SAMD3: variants seen among roughly 807,000 people sequenced by gnomAD.
SAMD3 encodes sterile alpha motif domain-containing protein 3.
Under a neutral mutation model 58.5 loss-of-function variants are expected in SAMD3, and 63 were observed. That is an observed-to-expected ratio of 1.08 (90% CI 0.88 to 1.33). The LOEUF (loss-of-function observed/expected upper bound fraction) is 1.33. Among genes scored for constraint, SAMD3 ranks in the 40% most tolerant of loss-of-function variants. The pLI, the probability that SAMD3 is intolerant of heterozygous loss-of-function variation, is 0.00. For missense variants in SAMD3, 604 were observed against 608.4 expected, an observed-to-expected ratio of 0.99 and a Z score of 0.08; for synonymous variants, 220 against 210.3, an observed-to-expected ratio of 1.05 and a Z score of -0.40.
chr6:130,228,515 C>A (rs1047427870), intron 2 of SAMD3, among the ~76,000 whole-genome samples: 3 of 152,068 alleles, frequency 2.0e-5, no homozygotes, highest in African/African-American at 4.8e-5. Flanking sequence ...AAGCTGATAT[C>A]CAGCTTCCAT....
At chr6:130,162,137 C>A in intron 8 of SAMD3, 1 of 632,970 alleles carries the variant, frequency 1.6e-6, no homozygotes, top group Non-Finnish European at 2.8e-6. Context: ...AGAGCGTATG[C>A]TATGCTTCCT....
At chr6:130,352,676 A>C (rs1203404272) in intron 1 of SAMD3, among the ~76,000 whole-genome samples, 3 of 152,178 alleles carry the variant, frequency 2.0e-5, no homozygotes, top group Non-Finnish European at 4.4e-5. Context: ...TGTGGTCTTC[A>C]TGCTCACTGA....
chr6:130,239,549 G>C (rs561048470), intron 2 of SAMD3, among the ~76,000 whole-genome samples: 1 of 152,212 alleles, frequency 6.6e-6, no homozygotes, highest in South Asian at 2.1e-4. Context: ...AGCAAGAAGA[G>C]ATCTAAGAAG....
intron 4 of SAMD3, among the ~76,000 whole-genome samples, chr6:130,213,540 T>C (rs933445755): frequency 2.6e-5 from 4 of 152,084 alleles, no homozygotes; most frequent in African/African-American, 9.7e-5. Context: ...ATTTTATCAA[T>C]CATCAAAATC....
chr6:130,336,040 G>A (rs912358229), intron 1 of SAMD3, among the ~76,000 whole-genome samples: 1 of 152,144 alleles, frequency 6.6e-6, no homozygotes, highest in East Asian at 1.9e-4. Context: ...GGGAGGGATA[G>A]CATTAGGAGA....
rs536651506 is a variant in SAMD3, at chr6:130,179,907, T to G, written c.655-3899A>C. Among the ~76,000 whole-genome samples the G allele has an allele frequency of 2.9e-3, 424 of 146,426 alleles. 4 individuals carry two copies. Among genetic ancestry groups the G allele is most frequent in the African/African-American group, 8.5e-3 (338 of 39,874 alleles). ...TTGGCTCACTGCAACCTCTGCCTCC[T>G]GGGTTCAAGCGATTCTCCTGCCTCA... On this transcript the variant is annotated intron_variant, in intron 7 of 11. Coordinates refer to ENST00000439090, the MANE Select transcript of SAMD3 (RefSeq NM_001017373.4).
chr6:130,163,551 TA>T (rs1233445206), intron 8 of SAMD3, among the ~76,000 whole-genome samples: 2 of 152,220 alleles, frequency 1.3e-5, no homozygotes, highest in Non-Finnish European at 2.9e-5. Flanking sequence ...AGCTTACTTG[TA>T]AAACTTCGCA....
intron 2 of SAMD3, among the ~76,000 whole-genome samples, chr6:130,235,466 C>T (rs746722736): frequency 1.2e-4 from 19 of 152,148 alleles, no homozygotes; most frequent in Non-Finnish European, 2.6e-4. Context: ...AATTTCTTTT[C>T]ATGGATTGGA....
At chr6:130,319,198 AG>A (rs960278961) in intron 1 of SAMD3, among the ~76,000 whole-genome samples, 4 of 152,154 alleles carry the variant, frequency 2.6e-5, no homozygotes, top group African/African-American at 9.7e-5. Flanking sequence ...CCCCCACAGG[AG>A]AAGAGAGAGA....
chr6:130,223,628 G>A (rs1796299490), upstream of SAMD3, among the ~76,000 whole-genome samples: 1 of 152,180 alleles, frequency 6.6e-6, no homozygotes, highest in African/African-American at 2.4e-5. Flanking sequence ...GCAAGGTAGT[G>A]GATCTTCTTA....
At chr6:130,188,948 C>T (rs1793260669) in intron 5 of SAMD3, among the ~76,000 whole-genome samples, 1 of 152,070 alleles carries the variant, frequency 6.6e-6, no homozygotes, top group African/African-American at 2.4e-5. Context: ...CTCATCCAGC[C>T]CCATGGCCTC....
chr6:130,343,292 C>T (rs1255142254), intron 1 of SAMD3, among the ~76,000 whole-genome samples: 1 of 152,004 alleles, frequency 6.6e-6, no homozygotes, highest in Non-Finnish European at 1.5e-5. Context: ...TATCAAAAGT[C>T]ATGACCAAGA....
intron 2 of SAMD3, among the ~76,000 whole-genome samples, chr6:130,241,471 G>A (rs1773356945): frequency 6.6e-6 from 1 of 151,926 alleles, no homozygotes; most frequent in African/African-American, 2.4e-5. Flanking sequence ...GCCTTGGTCT[G>A]CCAAAGTGCT....
intron 1 of SAMD3, among the ~76,000 whole-genome samples, chr6:130,362,075 A>G (rs555301343): frequency 6.8e-4 from 103 of 152,326 alleles, no homozygotes; most frequent in African/African-American, 2.3e-3. Flanking sequence ...ACCAACTGAA[A>G]TGTAGCTAAA....
At chr6:130,149,810 C>T (rs1437570359) in intron 9 of SAMD3, among the ~76,000 whole-genome samples, 1 of 152,168 alleles carries the variant, frequency 6.6e-6, no homozygotes, top group Admixed American at 6.5e-5. Flanking sequence ...CAAACCCCCA[C>T]GACATGCAAT....
Position 130,276,973 on chromosome 6 carries a change from T to C in SAMD3, c.-188+36005A>G, listed in dbSNP as rs553781284. 4.6e-5 allele frequency among the ~76,000 whole-genome samples: 7 copies of C among 152,226 alleles called. No individual in the cohort carries two copies. The South Asian group carries it at 6.2e-4, about 14-fold the overall frequency. ...GAAGCACAGGTCCAAGTAGAGCCAGTTGGTCACCAGAATGCAAAAGTCAGA... is the reference window on the plus strand; with the variant it reads ...GAAGCACAGGTCCAAGTAGAGCCAGCTGGTCACCAGAATGCAAAAGTCAGA... On this transcript the variant is annotated intron_variant, in intron 2 of 13. Coordinates refer to the SAMD3 transcript ENST00000368134.
In SAMD3 at chr6:130,184,580, A is replaced by G. The variant is rs536643637; in HGVS notation, c.427T>C (p.Trp143Arg). The G allele has an allele frequency of 1.2e-6, 2 of 1,613,536 alleles. No individual in the cohort carries two copies. Among genetic ancestry groups the G allele is most frequent in the South Asian group, 2.2e-5 (2 of 90,842 alleles). ...TCTGGTAAAACATAGGACTTCGTCC[A>G]CTGTAATGCTTTGCTTCTTGCTAGA... ...QILARSKALQ[W>R]TKSYVLPEFP... The change falls in exon 6 of 12, where the codon TGG becomes CGG. Residue 143 changes from tryptophan to arginine, a missense_variant. Trp to Arg is a moderately radical substitution (Grantham distance 101). Transcript: ENST00000439090.
intron 2 of SAMD3, among the ~76,000 whole-genome samples, chr6:130,269,029 T>C (rs1774461392): frequency 6.6e-6 from 1 of 152,190 alleles, no homozygotes; most frequent in South Asian, 2.1e-4. Context: ...CTGAGGATTA[T>C]TTGCCTAGCC....
chr6:130,212,717 T>C (rs1007736533), intron 4 of SAMD3, among the ~76,000 whole-genome samples: 3 of 152,236 alleles, frequency 2.0e-5, no homozygotes, highest in African/African-American at 7.2e-5. Flanking sequence ...CATTATAAAC[T>C]GATTTGCAGT....
Sources: allele counts gnomAD v4.1 joint callset (sites outside exome capture counted in the v4.1 genomes callset), GRCh38; gene constraint gnomAD v4.1.1; transcripts MANE v1.5; gene names NCBI Gene and HGNC (gene_info 2026-07-23, HGNC 2026-07-21).